NKD1: variants seen among roughly 807,000 people sequenced by gnomAD.
NKD1 encodes NKD inhibitor of Wnt signaling pathway 1.
Under a neutral mutation model 56.0 loss-of-function variants are expected in NKD1, and 21 were observed. The ratio of observed to expected loss-of-function variants is 0.38; its 90% CI spans 0.27 to 0.54. The LOEUF (loss-of-function observed/expected upper bound fraction) is 0.54. Ranked by LOEUF, NKD1 falls within the 20% of genes least tolerant of loss-of-function variation. NKD1 has a pLI of 0.82. For missense variants in NKD1, 578 were observed against 642.7 expected (o/e 0.90, Z 1.09); for synonymous variants, 263 against 265.7 (o/e 0.99, Z 0.10).
intron 4 of NKD1, among the ~76,000 whole-genome samples, chr16:50,612,766 G>T (rs1405171807): frequency 6.6e-6 from 1 of 152,192 alleles, no homozygotes. Flanking sequence ...AGGCCGATGT[G>T]GCATCAGGAA....
chr16:50,575,457 C>A, intron 3 of NKD1: 1 of 572,318 alleles, frequency 1.7e-6, no homozygotes, highest in Non-Finnish European at 2.2e-6. Context: ...TTTGAAGAGC[C>A]CCTTTGACAG....
chr16:50,621,673 C>A lies in NKD1; in HGVS notation c.331C>A (p.Pro111Thr), dbSNP rs1596751205. The change falls in exon 5 of 10, where the codon CCC (proline) becomes ACC (threonine). Residue 111 changes from proline to threonine, a missense_variant. By Grantham distance (38) the Pro-to-Thr change is conservative. Transcript: ENST00000268459. ...GAAGAAGATGGAGAGAGTGAGCGAACCCTGCCCAGGCTCCAAGAAGCAGCT... is the reference window on the plus strand; with the variant it reads ...GAAGAAGATGGAGAGAGTGAGCGAAACCTGCCCAGGCTCCAAGAAGCAGCT... ...DEKKMERVSEPCPGSKKQLKF... is the reference protein window; with the variant it reads ...DEKKMERVSETCPGSKKQLKF... 1 of 1,614,006 alleles carries A rather than the reference C, an allele frequency of 6.2e-7. No individual in the cohort carries two copies.
intron 3 of NKD1, among the ~76,000 whole-genome samples, chr16:50,573,556 G>A (rs1351161779): frequency 6.6e-6 from 1 of 152,204 alleles, no homozygotes; most frequent in East Asian, 1.9e-4. Context: ...CCCCTTCTGG[G>A]TTCTGCATCT....
intron 4 of NKD1, among the ~76,000 whole-genome samples, chr16:50,610,437 G>T (rs1019829146): frequency 1.3e-5 from 2 of 152,208 alleles, no homozygotes; most frequent in African/African-American, 4.8e-5. Context: ...CAGGGTGGGG[G>T]ATATGGTGTG....
At position 50,597,067 on chromosome 16, in the gene NKD1, GGGGAATT is replaced by G. The variant is rs539322657; in HGVS notation, c.193-11223_193-11217del. Reference sequence around the variant, plus strand: ...CTTTGATGGGCTTTGGTGGGACTTTGGGGAATTGGGTAGGGGTTGGGGTGGCGACGAG... The same window carrying G: ...CTTTGATGGGCTTTGGTGGGACTTTGGGGTAGGGGTTGGGGTGGCGACGAG... On this transcript the variant is annotated intron_variant, in intron 3 of 9. Transcript: ENST00000268459. Among the ~76,000 whole-genome samples, 482 of 152,262 alleles carry G rather than the reference GGGGAATT, an allele frequency of 3.2e-3. 1 individual carries two copies. Among genetic ancestry groups the G allele is most frequent in the Admixed American group, 5.6e-3 (85 of 15,294 alleles).
chr16:50,621,741 G>T (rs760289583), intron 5 of NKD1, 33 bp downstream of exon 5: 28 of 1,518,550 alleles, frequency 1.8e-5, no homozygotes, highest in Non-Finnish European at 2.5e-5. Context: ...GTCCTGAGGA[G>T]ATGAGATGGG....
At chr16:50,582,797 A>G (rs1003783584) in intron 3 of NKD1, among the ~76,000 whole-genome samples, 3 of 152,226 alleles carry the variant, frequency 2.0e-5, no homozygotes, top group Non-Finnish European at 1.5e-5. Context: ...TCACGAGGTC[A>G]GGAGTTCGAG....
intron 3 of NKD1, among the ~76,000 whole-genome samples, chr16:50,603,387 G>A (rs1476852850): frequency 6.6e-6 from 1 of 152,202 alleles, no homozygotes; most frequent in Non-Finnish European, 1.5e-5. Context: ...GCCTCAGTGT[G>A]CTGGGAAGAG....
intron 3 of NKD1, among the ~76,000 whole-genome samples, chr16:50,595,928 C>T (rs1961462312): frequency 1.3e-5 from 2 of 152,240 alleles, no homozygotes; most frequent in East Asian, 3.9e-4. Context: ...TCTTTGGTTG[C>T]CTGAGAATGG....
intron 3 of NKD1, chr16:50,606,714 G>A (rs1382983519): frequency 4.5e-6 from 2 of 439,894 alleles, no homozygotes; most frequent in Non-Finnish European, 9.4e-6. Flanking sequence ...CTGCAGTGCA[G>A]TCAGGGTGGC....
Position 50,632,491 on chromosome 16 carries a change from A to C in NKD1, c.823+83A>C. 7.2e-7 allele frequency: 1 copy of C among 1,395,360 alleles called. No homozygotes were observed. Among genetic ancestry groups the C allele is most frequent in the Non-Finnish European group, 1.0e-6 (1 of 990,792 alleles). 86.4% of individuals were successfully genotyped at this position (1,395,360 alleles called of 1,614,324 possible). A position where few individuals can be genotyped will look rare whatever the true frequency, so the allele number is the denominator to read the frequency against. On this transcript the variant is annotated intron_variant, in intron 9 of 9. Transcript: ENST00000268459. The surrounding 1 kb of genome is among the most constrained non-coding windows in gnomAD (Gnocchi z 4.1). ...CAGGCGGGCCGTGCGGGTGGTGTTC[A>C]CTGCTACCCCAGGCTTCGGTAAGAC...
intron 3 of NKD1, among the ~76,000 whole-genome samples, chr16:50,581,147 C>T (rs979595022): frequency 2.0e-5 from 3 of 152,106 alleles, no homozygotes; most frequent in Non-Finnish European, 1.5e-5. Flanking sequence ...GCGGTATCTG[C>T]CCTGTACTGA....
intron 3 of NKD1, among the ~76,000 whole-genome samples, chr16:50,584,321 G>A (rs553547439): frequency 5.9e-5 from 9 of 152,310 alleles, no homozygotes; most frequent in South Asian, 2.1e-4. Context: ...CTACCGTCCC[G>A]TCTGCTAGAG....
chr16:50,578,336 T>C (rs1363304704), intron 3 of NKD1, among the ~76,000 whole-genome samples: 1 of 152,220 alleles, frequency 6.6e-6, no homozygotes. Flanking sequence ...TAGTCCCATC[T>C]GGGCAGCTAC....
At chr16:50,607,211 A>C (rs937821196) in intron 3 of NKD1, 19 of 349,898 alleles carry the variant, frequency 5.4e-5, no homozygotes, top group Non-Finnish European at 9.7e-5. Flanking sequence ...TTGTCTTTAA[A>C]ACAAAAAACA....
rs887122720 is a variant in NKD1, at chr16:50,623,986, G to A, written c.367-1499G>A. Among the ~76,000 whole-genome samples the A allele has an allele frequency of 1.3e-5, 2 of 152,124 alleles. No homozygotes were observed. The highest frequency in any genetic ancestry group is 2.9e-5 in the Non-Finnish European group (2 of 68,018). On this transcript the variant is annotated intron_variant, in intron 5 of 9. Transcript: ENST00000268459. The surrounding 1 kb of genome is among the most constrained non-coding windows in gnomAD (Gnocchi z 4.1). ...AAGCAAGGTTGGCTTTGAACTCAGC[G>A]TGGGCGCCCGAGAATTGCTGGAGGG... is the stretch of plus-strand genomic sequence containing the variant.
At chr16:50,619,642 AC>A (rs1962041496) in intron 4 of NKD1, among the ~76,000 whole-genome samples, 1 of 152,196 alleles carries the variant, frequency 6.6e-6, no homozygotes, top group Non-Finnish European at 1.5e-5. Flanking sequence ...CCTGACTGTT[AC>A]TACTTATGGC....
chr16:50,549,515 G>T lies in NKD1; in HGVS notation c.152G>T (p.Arg51Leu). Residue 51 changes from arginine (R) to leucine (L), a missense_variant, in exon 3 of 10, where the codon CGA becomes CTA. Coordinates refer to ENST00000268459, the MANE Select transcript of NKD1 (RefSeq NM_033119.5). ...TGCCCGGGCGGTGTCTCGGGACCCC[G>T]ACAGCTGCGGTTGGCGGGCACCATA... The part of the protein sequence containing the change: ...QRCPGGVSGP[R>L]QLRLAGTIGR... 1 of 1,607,980 alleles carries T rather than the reference G, an allele frequency of 6.2e-7. No homozygotes were observed. Among genetic ancestry groups the T allele is most frequent in the Admixed American group, 1.7e-5 (1 of 59,570 alleles).
intron 3 of NKD1, among the ~76,000 whole-genome samples, chr16:50,599,922 T>C (rs558412023): frequency 2.0e-5 from 3 of 152,088 alleles, no homozygotes; most frequent in Non-Finnish European, 2.9e-5. Flanking sequence ...TTTTCCCCCA[T>C]TAGTCATTTT....
Sources: gnomAD v4.1 joint callset for allele counts (sites outside exome capture counted in the v4.1 genomes callset) on GRCh38, gnomAD v4.1.1 for gene constraint, Gnocchi (gnomAD v3.1) non-coding constraint, MANE v1.5 for transcripts, NCBI Gene and HGNC (gene_info 2026-07-23, HGNC 2026-07-21) for gene names.